Variants in CFAP206 observed in about 807,000 individuals in gnomAD.
CFAP206 encodes cilia and flagella associated protein 206, also known as cilia- and flagella-associated protein 206.
In CFAP206, 53 loss-of-function variants were observed where a neutral mutation model predicts 65.4. The observed-to-expected ratio is 0.81, with a 90% CI of 0.65 to 1.02. The LOEUF (loss-of-function observed/expected upper bound fraction) is 1.02. CFAP206 is among the 50% of genes least tolerant of loss of function. The pLI is 0.00. For missense variants in CFAP206, 663 were observed against 753.2 expected (o/e 0.88, Z 1.40); for synonymous variants, 250 against 254.4 (o/e 0.98, Z 0.17).
At chr6:87,440,061 G>A (rs1175662656) in intron 11 of CFAP206, among the ~76,000 whole-genome samples, 1 of 152,096 alleles carries the variant, frequency 6.6e-6, no homozygotes, top group Non-Finnish European at 1.5e-5. Context: ...GATTGAAATT[G>A]CCTTGTATAT....
chr6:87,428,943 A>T, intron 9 of CFAP206, 119 bp downstream of exon 9: 1 of 1,049,644 alleles, frequency 9.5e-7, no homozygotes, highest in South Asian at 1.5e-5. Context: ...TTTCTTGATT[A>T]TAAAGTACTA....
chr6:87,458,195 A>G (rs945163712), intron 11 of CFAP206, among the ~76,000 whole-genome samples: 3 of 152,204 alleles, frequency 2.0e-5, no homozygotes, highest in Non-Finnish European at 4.4e-5. Flanking sequence ...GGATATGGAG[A>G]AAGGGAACCC....
intron 11 of CFAP206, chr6:87,435,801 A>AG (rs1562248354): frequency 2.0e-5 from 3 of 152,408 alleles, no homozygotes; most frequent in African/African-American, 7.2e-5. Flanking sequence ...CTGGGACTAC[A>AG]GGCAGGTGCC....
At chr6:87,437,606 T>C (rs990433551) in intron 11 of CFAP206, among the ~76,000 whole-genome samples, 8 of 151,950 alleles carry the variant, frequency 5.3e-5, no homozygotes, top group African/African-American at 1.9e-4. Context: ...TAAAATCTTA[T>C]TTTAGAAATT....
chr6:87,413,065 C>T (rs560793401), intron 3 of CFAP206, among the ~76,000 whole-genome samples: 79 of 152,332 alleles, frequency 5.2e-4, no homozygotes, highest in African/African-American at 1.9e-3. Flanking sequence ...CTTTGTGGAA[C>T]ATTTACCCAC....
intron 11 of CFAP206, among the ~76,000 whole-genome samples, chr6:87,438,044 T>G (rs1182839814): frequency 2.6e-5 from 4 of 151,992 alleles, no homozygotes; most frequent in Admixed American, 2.6e-4. Context: ...GGAAATGATA[T>G]TTGTTCAGGA....
At chr6:87,459,109 A>G (rs1768699183) in intron 11 of CFAP206, among the ~76,000 whole-genome samples, 1 of 152,150 alleles carries the variant, frequency 6.6e-6, no homozygotes, top group African/African-American at 2.4e-5. Flanking sequence ...GCTTAATTAG[A>G]TGTTATACAA....
At chr6:87,463,674 CAAGTA>C (rs1040545967) in intron 12 of CFAP206, among the ~76,000 whole-genome samples, 3 of 151,820 alleles carry the variant, frequency 2.0e-5, no homozygotes, top group Non-Finnish European at 2.9e-5. Flanking sequence ...TAAAAGAAAA[CAAGTA>C]TAGTGGAAAA....
intron 7 of CFAP206, among the ~76,000 whole-genome samples, chr6:87,425,327 C>G: frequency 6.6e-6 from 1 of 152,194 alleles, no homozygotes; most frequent in East Asian, 1.9e-4. Flanking sequence ...CAAACCAGTT[C>G]ACTACCTTTA....
intron 11 of CFAP206, among the ~76,000 whole-genome samples, chr6:87,453,281 AAAC>A (rs1466935478): frequency 6.6e-6 from 1 of 152,212 alleles, no homozygotes; most frequent in Non-Finnish European, 1.5e-5. Context: ...TTTCCCAGAC[AAAC>A]AAAAGCTGAG....
chr6:87,410,868 C>A (rs1327334645), intron 3 of CFAP206, among the ~76,000 whole-genome samples, 200 bp downstream of exon 3: 1 of 152,112 alleles, frequency 6.6e-6, no homozygotes, highest in East Asian at 1.9e-4. Flanking sequence ...ACCATCCTTG[C>A]AATATGGTCA....
At chr6:87,439,073 C>A (rs1768324357) in intron 11 of CFAP206, among the ~76,000 whole-genome samples, 2 of 151,960 alleles carry the variant, frequency 1.3e-5, no homozygotes, top group African/African-American at 4.8e-5. Flanking sequence ...CAAAATTTTC[C>A]ATGTAAGTTT....
chr6:87,461,299 A>C, intron 12 of CFAP206, 134 bp downstream of exon 12: 3 of 536,170 alleles, frequency 5.6e-6, no homozygotes. Context: ...ACAAAAATAT[A>C]ATTTATAACT....
intron 4 of CFAP206, among the ~76,000 whole-genome samples, 160 bp downstream of exon 4, chr6:87,414,060 G>T (rs1312429471): frequency 6.6e-6 from 1 of 151,698 alleles, no homozygotes; most frequent in Non-Finnish European, 1.5e-5. Flanking sequence ...AATGCTAAAT[G>T]AAAAAAAACC....
chr6:87,452,531 G>A (rs1768563837), intron 11 of CFAP206, among the ~76,000 whole-genome samples: 1 of 152,106 alleles, frequency 6.6e-6, no homozygotes, highest in Non-Finnish European at 1.5e-5. Context: ...ATGTGGCCTG[G>A]CCTTTCAGAC....
Position 87,411,019 on chromosome 6 carries a change from A to AC in CFAP206, c.192+352dup, listed in dbSNP as rs1767726609. ...TCCCAGAATCCCTCCCATCTACTTA[A>AC]CATTTATTGACCAGAATGATATTGT... On this transcript the variant is annotated intron_variant, in intron 3 of 12. Transcript: ENST00000369562. Among the ~76,000 whole-genome samples, 6 of 152,116 alleles carry AC rather than the reference A, an allele frequency of 3.9e-5. No homozygotes were observed. The South Asian group carries it at 1.2e-3, about 32-fold the overall frequency.
At chr6:87,414,779 C>G (rs1166514573) in intron 4 of CFAP206, among the ~76,000 whole-genome samples, 6 of 152,114 alleles carry the variant, frequency 3.9e-5, no homozygotes, top group Non-Finnish European at 7.4e-5. Flanking sequence ...TGATGTTTCT[C>G]TTTGTTAGTT....
At chr6:87,427,192 C>T (rs1768057146) in intron 8 of CFAP206, among the ~76,000 whole-genome samples, 1 of 152,148 alleles carries the variant, frequency 6.6e-6, no homozygotes, top group East Asian at 1.9e-4. Context: ...GGCTGGAGTG[C>T]AGTGGTGCAA....
At chr6:87,425,504 T>C (rs112753245) in intron 7 of CFAP206, among the ~76,000 whole-genome samples, 48 of 152,334 alleles carry the variant, frequency 3.2e-4, no homozygotes, top group African/African-American at 1.0e-3. Flanking sequence ...ATCCTTTAGA[T>C]AGTCAAAAGT....
Sources: allele counts gnomAD v4.1 joint callset (sites outside exome capture counted in the v4.1 genomes callset), GRCh38; gene constraint gnomAD v4.1.1; transcripts MANE v1.5; gene names NCBI Gene and HGNC (gene_info 2026-07-23, HGNC 2026-07-21).